BBX: variants seen among roughly 807,000 people sequenced by gnomAD.
BBX encodes the protein HMG box transcription factor BBX.
BBX carries 30 observed loss-of-function variants against 100.2 expected under a neutral mutation model. The ratio of observed to expected loss-of-function variants is 0.30; its 90% CI spans 0.22 to 0.41. The LOEUF is 0.41. Among genes scored for constraint, BBX ranks in the 10% least tolerant of loss-of-function variants. The pLI, the probability that BBX is intolerant of heterozygous loss-of-function variation, is 1.00. For missense variants in BBX, 1,023 were observed against 1,129.8 expected (o/e 0.91, Z 1.35); for synonymous variants, 376 against 388.1 (o/e 0.97, Z 0.37).
intron 3 of BBX, among the ~76,000 whole-genome samples, chr3:107,699,983 T>C (rs995717197): frequency 4.0e-5 from 6 of 151,874 alleles, no homozygotes; most frequent in Non-Finnish European, 7.4e-5. Flanking sequence ...AAGCACATCG[T>C]TGGGTGTGGA....
At chr3:107,701,543 C>T (rs1017854441) in intron 3 of BBX, among the ~76,000 whole-genome samples, 2 of 152,104 alleles carry the variant, frequency 1.3e-5, no homozygotes, top group African/African-American at 2.4e-5. Flanking sequence ...GAAGCCAGAC[C>T]GCTGAGTTCA....
intron 7 of BBX, among the ~76,000 whole-genome samples, chr3:107,741,396 T>C (rs2064097698): frequency 6.6e-6 from 1 of 152,200 alleles, no homozygotes; most frequent in African/African-American, 2.4e-5. Context: ...GAATTATAAC[T>C]AAATCAAAGA....
chr3:107,635,403 A>G (rs190754677), intron 2 of BBX, among the ~76,000 whole-genome samples: 66 of 152,342 alleles, frequency 4.3e-4, no homozygotes, highest in East Asian at 1.9e-3. Context: ...ACTTAAGTAT[A>G]CTGCCATCCA....
chr3:107,749,587 T>C (rs898208345), intron 9 of BBX, among the ~76,000 whole-genome samples: 3 of 152,162 alleles, frequency 2.0e-5, no homozygotes, highest in East Asian at 1.9e-4. Context: ...CAGCTGATGC[T>C]GGTTCTAACC....
intron 2 of BBX, among the ~76,000 whole-genome samples, chr3:107,538,282 G>T (rs2048637166): frequency 6.6e-6 from 1 of 152,156 alleles, no homozygotes; most frequent in African/African-American, 2.4e-5. Context: ...TTTCTGAAAA[G>T]TCTTGAGGAA....
In BBX at chr3:107,696,670, T is replaced by C. The variant is rs1439079668; in HGVS notation, c.-9-13782T>C. Among the ~76,000 whole-genome samples the C allele has an allele frequency of 2.6e-5, 4 of 151,886 alleles. No individual in the cohort carries two copies. The East Asian group carries it at 5.8e-4, about 22-fold the overall frequency. ...TCACCTTTGGTGAATCTGACAGTTGTGTATCTTGGTGTTGCTCTTCTCGAG... is the reference window on the plus strand; with the variant it reads ...TCACCTTTGGTGAATCTGACAGTTGCGTATCTTGGTGTTGCTCTTCTCGAG... On this transcript the variant is annotated intron_variant, in intron 3 of 17. Transcript: ENST00000325805.
At chr3:107,666,187 C>T (rs2058733259) in intron 3 of BBX, among the ~76,000 whole-genome samples, 1 of 152,182 alleles carries the variant, frequency 6.6e-6, no homozygotes, top group African/African-American at 2.4e-5. Flanking sequence ...GGGGAACCAA[C>T]TTCCTTTTAA....
At chr3:107,624,694 C>A (rs550490163) in intron 2 of BBX, among the ~76,000 whole-genome samples, 1 of 152,142 alleles carries the variant, frequency 6.6e-6, no homozygotes, top group Admixed American at 6.5e-5. Context: ...CATGATGAAA[C>A]ACCGTCTCTA....
chr3:107,764,983 C>T (rs560694753), intron 10 of BBX, among the ~76,000 whole-genome samples: 1 of 152,320 alleles, frequency 6.6e-6, no homozygotes, highest in South Asian at 2.1e-4. Flanking sequence ...AGCTTTCCTA[C>T]ATGTTTCTTA....
intron 8 of BBX, among the ~76,000 whole-genome samples, chr3:107,747,354 A>G (rs2107625707): frequency 6.6e-6 from 1 of 152,280 alleles, no homozygotes. Context: ...AACATCTTTT[A>G]TGGCTTATTT....
intron 3 of BBX, among the ~76,000 whole-genome samples, chr3:107,683,466 G>A (rs144118237): frequency 1.4e-4 from 22 of 152,074 alleles, no homozygotes; most frequent in Non-Finnish European, 3.2e-4. Context: ...AAACTTCAGG[G>A]TATTATAAGG....
chr3:107,660,505 TAAAAAAAAAA>T (rs34604623), intron 3 of BBX, among the ~76,000 whole-genome samples: 1 of 101,322 alleles, frequency 9.9e-6, no homozygotes, highest in Non-Finnish European at 2.0e-5. Context: ...CAAAAAGCAT[TAAAAAAAAAA>T]AAAAAAAAAA....
chr3:107,799,544 C>T (rs764398503), intron 16 of BBX, among the ~76,000 whole-genome samples: 25 of 152,012 alleles, frequency 1.6e-4, no homozygotes, highest in African/African-American at 2.4e-5. Context: ...CCAGGAGATC[C>T]TATACTTTTA....
intron 17 of BBX, among the ~76,000 whole-genome samples, chr3:107,803,472 G>C (rs2070739856): frequency 6.6e-6 from 1 of 152,142 alleles, no homozygotes; most frequent in Admixed American, 6.5e-5. Context: ...GTGGCCCATG[G>C]AGTTAGGGGT....
At chr3:107,541,850 G>A (rs1260977231) in intron 2 of BBX, among the ~76,000 whole-genome samples, 2 of 151,378 alleles carry the variant, frequency 1.3e-5, no homozygotes, top group Admixed American at 1.3e-4. Context: ...ATGGAGTCTG[G>A]CTCTGTTACC....
chr3:107,646,115 G>A (rs2107787904), intron 3 of BBX: 1 of 152,202 alleles, frequency 6.6e-6, no homozygotes. Flanking sequence ...TTAAAATCAT[G>A]AAAGTGTTAA....
intron 10 of BBX, among the ~76,000 whole-genome samples, chr3:107,756,554 C>G (rs1452259831): frequency 1.3e-5 from 2 of 151,740 alleles, no homozygotes; most frequent in African/African-American, 4.8e-5. Flanking sequence ...TCTAAAATTG[C>G]TAAATTTTAT....
intron 3 of BBX, among the ~76,000 whole-genome samples, chr3:107,682,990 T>G (rs970230306): frequency 2.0e-5 from 3 of 152,144 alleles, no homozygotes; most frequent in African/African-American, 7.2e-5. Context: ...GTTTGTAAAA[T>G]AAGACATGTT....
chr3:107,785,595 T>C (rs1259658294), intron 13 of BBX, among the ~76,000 whole-genome samples: 1 of 151,910 alleles, frequency 6.6e-6, no homozygotes, highest in African/African-American at 2.4e-5. Flanking sequence ...ATCATCCCAA[T>C]AGATCTAGGA....
Sources: allele counts gnomAD v4.1 joint callset (sites outside exome capture counted in the v4.1 genomes callset), GRCh38; gene constraint gnomAD v4.1.1; transcripts MANE v1.5; gene names NCBI Gene and HGNC (gene_info 2026-07-23, HGNC 2026-07-21).